Variants in RMST observed in about 807,000 individuals in gnomAD.
RMST encodes the protein long intergenic non-protein coding RNA 54.
chr12:97,466,158 A>G (rs1873157877), intron 5 of RMST, among the ~76,000 whole-genome samples: 2 of 152,196 alleles, frequency 1.3e-5, no homozygotes, highest in Admixed American at 1.3e-4. Context: ...GCATGCCTAT[A>G]TTATTGTAAT....
At chr12:97,525,026 G>C (rs1880944112) in intron 10 of RMST, among the ~76,000 whole-genome samples, 1 of 152,168 alleles carries the variant, frequency 6.6e-6, no homozygotes, top group African/African-American at 2.4e-5. Flanking sequence ...GGCATCTAAA[G>C]GATGCCTTGA....
At chr12:97,561,785 G>C (rs959624571) in intron 13 of RMST, among the ~76,000 whole-genome samples, 1 of 151,540 alleles carries the variant, frequency 6.6e-6, no homozygotes, top group Non-Finnish European at 1.5e-5. Context: ...ATCAGGTCCA[G>C]GAAATGAATA....
At chr12:97,514,693 C>A (rs1485286766) in intron 10 of RMST, among the ~76,000 whole-genome samples, 4 of 151,068 alleles carry the variant, frequency 2.6e-5, no homozygotes, top group Admixed American at 2.6e-4. Flanking sequence ...AGCAAAGTGA[C>A]AAATACCATT....
intron 11 of RMST, among the ~76,000 whole-genome samples, chr12:97,554,264 A>G (rs909108351): frequency 2.0e-5 from 3 of 152,028 alleles, no homozygotes; most frequent in Admixed American, 1.3e-4. Context: ...AATGGTGACT[A>G]TTTCTATTAT....
chr12:97,494,365 G>A (rs748687660), intron 8 of RMST, among the ~76,000 whole-genome samples: 6 of 152,120 alleles, frequency 3.9e-5, no homozygotes, highest in Non-Finnish European at 8.8e-5. Context: ...TTGAGTTTTA[G>A]TAATTTGTGG....
intron 10 of RMST, among the ~76,000 whole-genome samples, chr12:97,524,075 C>CAGAGAAAAAAA (rs57255256): frequency 0.066 from 3,710 of 56,114 alleles, 1,280 homozygotes; most frequent in Middle Eastern, 0.1. Context: ...GACTCTGTCT[C>CAGAGAAAAAAA]AAAAAAAAAA....
intron 11 of RMST, among the ~76,000 whole-genome samples, chr12:97,531,403 A>G (rs1881612166): frequency 1.3e-5 from 2 of 152,042 alleles, no homozygotes; most frequent in African/African-American, 4.8e-5. Context: ...TATCTCTTGA[A>G]ATTATGTTCT....
chr12:97,543,662 G>T (rs1354387046), intron 11 of RMST, among the ~76,000 whole-genome samples: 1 of 151,916 alleles, frequency 6.6e-6, no homozygotes, highest in African/African-American at 2.4e-5. Context: ...CTATATGCCA[G>T]ACACTGTTCT....
At chr12:97,528,771 A>G (rs1044436106) in intron 10 of RMST, among the ~76,000 whole-genome samples, 2 of 152,116 alleles carry the variant, frequency 1.3e-5, no homozygotes, top group South Asian at 4.1e-4. Flanking sequence ...TGATATATGC[A>G]AGGTAAGTAT....
At chr12:97,551,911 C>A (rs1477607688) in intron 11 of RMST, 1 of 152,086 alleles carries the variant, frequency 6.6e-6, no homozygotes, top group Non-Finnish European at 1.5e-5. Flanking sequence ...TACCAAAATC[C>A]TCTTGAGAAG....
intron 10 of RMST, among the ~76,000 whole-genome samples, chr12:97,517,461 C>T (rs1184799617): frequency 6.6e-6 from 1 of 151,802 alleles, no homozygotes; most frequent in Non-Finnish European, 1.5e-5. Context: ...TTCCATTCTC[C>T]AGATCTGCCA....
chr12:97,541,467 T>C (rs937695330), intron 11 of RMST: 2 of 151,742 alleles, frequency 1.3e-5, no homozygotes, highest in African/African-American at 4.8e-5. Flanking sequence ...AATCCAGGTT[T>C]CAAAAGGTGG....
At chr12:97,517,521 A>G (rs1880057691) in intron 10 of RMST, among the ~76,000 whole-genome samples, 1 of 151,908 alleles carries the variant, frequency 6.6e-6, no homozygotes, top group African/African-American at 2.4e-5. Flanking sequence ...TACACATAGA[A>G]ACACTGCTTT....
intron 10 of RMST, among the ~76,000 whole-genome samples, chr12:97,516,557 A>G (rs1004892494): frequency 6.6e-6 from 1 of 151,992 alleles, no homozygotes; most frequent in Non-Finnish European, 1.5e-5. Flanking sequence ...TTTTCTTCAT[A>G]TTTCTTACAA....
At chr12:97,473,849 C>G (rs1874211281) in intron 5 of RMST, among the ~76,000 whole-genome samples, 1 of 152,096 alleles carries the variant, frequency 6.6e-6, no homozygotes, top group African/African-American at 2.4e-5. Context: ...AATTGGAAAA[C>G]TTCACTTTAA....
At chr12:97,506,108 C>A (rs1185472636) in intron 10 of RMST, among the ~76,000 whole-genome samples, 2 of 152,024 alleles carry the variant, frequency 1.3e-5, no homozygotes, top group Non-Finnish European at 2.9e-5. Context: ...AATATATAAA[C>A]CAGGTAGGTA....
chr12:97,532,076 T>G (rs1320092636), intron 11 of RMST, among the ~76,000 whole-genome samples: 3 of 151,980 alleles, frequency 2.0e-5, no homozygotes, highest in Non-Finnish European at 4.4e-5. Flanking sequence ...TTTATCAAAA[T>G]TTTGGTGGAA....
chr12:97,511,139 T>G (rs1389107962), intron 10 of RMST, among the ~76,000 whole-genome samples: 3 of 150,634 alleles, frequency 2.0e-5, no homozygotes, highest in African/African-American at 7.5e-5. Flanking sequence ...TCTGGGAAAT[T>G]GTACTTCCTT....
At chr12:97,463,213 G>A (rs1006629708) in exon 4 of RMST, 3 of 151,978 alleles carry the variant, frequency 2.0e-5, no homozygotes, top group African/African-American at 7.2e-5. Flanking sequence ...ACACACAGTG[G>A]AGCCGATTTC....
Sources: gnomAD v4.1 joint callset for allele counts (sites outside exome capture counted in the v4.1 genomes callset) on GRCh38, gnomAD v4.1.1 for gene constraint, MANE v1.5 for transcripts, NCBI Gene and HGNC (gene_info 2026-07-23, HGNC 2026-07-21) for gene names.